SPG21: variants seen among roughly 807,000 people sequenced by gnomAD.
The protein encoded by SPG21 is maspardin.
A neutral mutation model predicts 38.9 loss-of-function variants in SPG21; 26 were observed. The ratio of observed to expected loss-of-function variants is 0.67; its 90% CI spans 0.49 to 0.93. The LOEUF (loss-of-function observed/expected upper bound fraction) is 0.93, where lower values mean the gene tolerates loss of function less well. SPG21 is among the 40% of genes least tolerant of loss of function. SPG21 has a pLI of 0.00. For missense variants in SPG21, 333 were observed against 376.5 expected, an observed-to-expected ratio of 0.88 and a Z score of 0.96; for synonymous variants, 136 against 128.9, an observed-to-expected ratio of 1.05 and a Z score of -0.37.
intron 7 of SPG21, among the ~76,000 whole-genome samples, chr15:64,967,126 G>A (rs933703367): frequency 7.9e-5 from 12 of 151,778 alleles, no homozygotes; most frequent in Non-Finnish European, 1.6e-4. Flanking sequence ...AACATGAAAT[G>A]GTATAGCCAC....
Position 64,983,785 on chromosome 15 carries a change from C to CT in SPG21, c.-24-193dup, listed in dbSNP as rs764804415. 0.016 allele frequency among the ~76,000 whole-genome samples: 2,227 copies of CT among 140,130 alleles called. 47 individuals carry two copies. The highest frequency in any genetic ancestry group is 0.049 in the African/African-American group (1,868 of 38,352). 91.9% of individuals were successfully genotyped at this position (140,130 alleles called of 152,430 possible). On this transcript the variant is annotated intron_variant, in intron 1 of 8. Transcript: ENST00000204566. The stretch of plus-strand genomic sequence containing the variant: ...CTACAATCACAGAATCAGAAGCACT[C>CT]TTTTTTTTTTTTTTTTGAGACAGTC...
chr15:64,988,298 C>T (rs1217000154), intron 1 of SPG21, among the ~76,000 whole-genome samples: 2 of 152,140 alleles, frequency 1.3e-5, no homozygotes, highest in Non-Finnish European at 2.9e-5. Flanking sequence ...TTCAACAGAA[C>T]CTGCCACTTT....
intron 4 of SPG21, 146 bp downstream of exon 4, chr15:64,976,329 G>C: frequency 1.7e-6 from 1 of 600,408 alleles, no homozygotes. Context: ...GGAGACTGAG[G>C]CAGGAGAATC....
chr15:64,981,889 CAAG>C (rs2140444011), intron 2 of SPG21, among the ~76,000 whole-genome samples: 1 of 152,290 alleles, frequency 6.6e-6, no homozygotes, highest in African/African-American at 2.4e-5. Flanking sequence ...TTAAAAAACT[CAAG>C]GCCTCCAGGC....
intron 5 of SPG21, among the ~76,000 whole-genome samples, chr15:64,974,386 G>T (rs892674027): frequency 6.6e-6 from 1 of 152,002 alleles, no homozygotes; most frequent in South Asian, 2.1e-4. Flanking sequence ...GAGGTAGGAG[G>T]ATCGCTTGAG....
intron 4 of SPG21, among the ~76,000 whole-genome samples, chr15:64,975,606 CT>C (rs1847194681): frequency 6.6e-6 from 1 of 151,928 alleles, no homozygotes; most frequent in African/African-American, 2.4e-5. Context: ...AATTCCACCC[CT>C]AAACACATAC....
chr15:64,980,181 G>A (rs1339568200), intron 3 of SPG21, among the ~76,000 whole-genome samples: 1 of 152,150 alleles, frequency 6.6e-6, no homozygotes, highest in Non-Finnish European at 1.5e-5. Context: ...GCCAGGAGAC[G>A]GAGCTCAGTT....
intron 8 of SPG21, among the ~76,000 whole-genome samples, chr15:64,964,696 C>A (rs1451672900): frequency 6.6e-6 from 1 of 151,822 alleles, no homozygotes; most frequent in African/African-American, 2.4e-5. Flanking sequence ...AATGGCGTGA[C>A]CTCGGCTCAC....
chr15:64,963,481 C>T lies in SPG21; in HGVS notation c.*139G>A. On this transcript the variant is annotated 3_prime_UTR_variant, in exon 9 of 9. Transcript: ENST00000204566. Reference sequence around the variant, plus strand: ...GAGATGCCGCCTGTCATGAAGATGACCATCAGTCCTACTTCCCAGACACAG... The same window carrying T: ...GAGATGCCGCCTGTCATGAAGATGATCATCAGTCCTACTTCCCAGACACAG... 1.4e-6 allele frequency: 1 copy of T among 705,156 alleles called. No individual in the cohort carries two copies. Among genetic ancestry groups the T allele is most frequent in the South Asian group, 1.6e-5 (1 of 61,952 alleles). 43.7% of individuals were successfully genotyped at this position (705,156 alleles called of 1,614,324 possible).
chr15:64,985,217 G>A (rs2085967689), intron 1 of SPG21, among the ~76,000 whole-genome samples: 1 of 152,126 alleles, frequency 6.6e-6, no homozygotes, highest in Non-Finnish European at 1.5e-5. Context: ...CTTTTGTTGT[G>A]AGCTTAGTGA....
chr15:64,978,864 C>A (rs2085833010), intron 3 of SPG21, among the ~76,000 whole-genome samples: 2 of 152,142 alleles, frequency 1.3e-5, no homozygotes, highest in Non-Finnish European at 1.5e-5. Flanking sequence ...GTAGTAATAT[C>A]AATATCCTGG....
intron 8 of SPG21, among the ~76,000 whole-genome samples, chr15:64,964,044 C>T (rs1231483072): frequency 6.6e-6 from 1 of 152,178 alleles, no homozygotes; most frequent in Non-Finnish European, 1.5e-5. Flanking sequence ...GTGTGAGCCA[C>T]TGCACCCTGC....
intron 3 of SPG21, among the ~76,000 whole-genome samples, chr15:64,979,581 G>A (rs2085846359): frequency 6.6e-6 from 1 of 152,086 alleles, no homozygotes; most frequent in Non-Finnish European, 1.5e-5. Flanking sequence ...AGTAAGAGAC[G>A]GGCTCTCAGG....
intron 3 of SPG21, among the ~76,000 whole-genome samples, chr15:64,980,415 A>G (rs375903152): frequency 3.3e-5 from 5 of 152,012 alleles, no homozygotes; most frequent in African/African-American, 9.7e-5. Flanking sequence ...TCACATATTA[A>G]AATAAGCAAA....
At chr15:64,966,600 T>C (rs2085544853) in intron 7 of SPG21, among the ~76,000 whole-genome samples, 1 of 152,128 alleles carries the variant, frequency 6.6e-6, no homozygotes, top group African/African-American at 2.4e-5. Context: ...AAACCAATTA[T>C]TAAAAATACC....
At chr15:64,967,762 C>T (rs926601962) in intron 7 of SPG21, among the ~76,000 whole-genome samples, 10 of 152,056 alleles carry the variant, frequency 6.6e-5, no homozygotes, top group African/African-American at 1.2e-4. Flanking sequence ...TGAGCCACCG[C>T]GCCCGGCCTA....
intron 8 of SPG21, among the ~76,000 whole-genome samples, chr15:64,964,517 G>T (rs564940595): frequency 1.3e-5 from 2 of 152,130 alleles, no homozygotes; most frequent in African/African-American, 4.8e-5. Context: ...GATATAACTG[G>T]TTTTTTAAGG....
chr15:64,972,332 A>G (rs774081903), intron 5 of SPG21, among the ~76,000 whole-genome samples: 41 of 152,232 alleles, frequency 2.7e-4, no homozygotes, highest in Non-Finnish European at 5.3e-4. Context: ...AAGCACTCAG[A>G]TATTTGACAA....
At chr15:64,972,580 C>T (rs2085688828) in intron 5 of SPG21, among the ~76,000 whole-genome samples, 1 of 152,222 alleles carries the variant, frequency 6.6e-6, no homozygotes, top group African/African-American at 2.4e-5. Flanking sequence ...TGCCTGTAAT[C>T]CCAGCACTTT....
Sources: gnomAD v4.1 joint callset for allele counts (sites outside exome capture counted in the v4.1 genomes callset) on GRCh38, gnomAD v4.1.1 for gene constraint, MANE v1.5 for transcripts, NCBI Gene and HGNC (gene_info 2026-07-23, HGNC 2026-07-21) for gene names.